The following VMP1 variants were observed in gnomAD, a reference collection of about 807,000 sequenced individuals.
VMP1 encodes the protein vacuole membrane protein 1.
In VMP1, 11 loss-of-function variants were observed where a neutral mutation model predicts 56.0. That is an observed-to-expected ratio of 0.20 (90% CI 0.12 to 0.32). VMP1 has a LOEUF of 0.32. Among genes scored for constraint, VMP1 ranks in the 10% least tolerant of loss-of-function variants. The pLI is 1.00. For missense variants in VMP1, 296 were observed against 490.3 expected, an observed-to-expected ratio of 0.60 and a Z score of 3.74; for synonymous variants, 149 against 165.0, an observed-to-expected ratio of 0.90 and a Z score of 0.74.
chr17:59,734,952 T>A (rs903709575), intron 2 of VMP1, among the ~76,000 whole-genome samples: 2 of 147,682 alleles, frequency 1.4e-5, no homozygotes, highest in Admixed American at 1.4e-4. Context: ...CATTCTGTTA[T>A]CCAGGCTGGT....
intron 1 of VMP1, among the ~76,000 whole-genome samples, chr17:59,713,719 A>T (rs2034030150): frequency 7.5e-6 from 1 of 133,534 alleles, no homozygotes. Context: ...AAAAAGAGAG[A>T]CTTTTTTTTT....
chr17:59,821,115 C>T (rs770461279), intron 10 of VMP1, among the ~76,000 whole-genome samples: 7 of 151,636 alleles, frequency 4.6e-5, no homozygotes, highest in African/African-American at 1.7e-4. Context: ...GGACTACAGG[C>T]GCCCGCCTCC....
rs138230604 is a variant in VMP1 at position 59,841,604 on chromosome 17, T to G, written c.*1693T>G. ...AACAATTCTTTTTTTCAGGGACTTTTCTAGCTGTATGACTGTTACTTGACC... is the reference window on the plus strand; with the variant it reads ...AACAATTCTTTTTTTCAGGGACTTTGCTAGCTGTATGACTGTTACTTGACC... On this transcript the variant is annotated 3_prime_UTR_variant, in exon 12 of 12. Transcript: ENST00000262291. The G allele has an allele frequency of 5.8e-6, 1 of 173,018 alleles. No individual in the cohort carries two copies. The highest frequency in any genetic ancestry group is 2.4e-5 in the African/African-American group (1 of 42,386). 10.7% of individuals were successfully genotyped at this position (173,018 alleles called of 1,614,324 possible). A position where few individuals can be genotyped will look rare whatever the true frequency, so the allele number is the denominator to read the frequency against.
chr17:59,765,188 T>C (rs549551766), intron 6 of VMP1, 50 bp downstream of exon 6: 5 of 1,582,304 alleles, frequency 3.2e-6, no homozygotes, highest in South Asian at 1.1e-5. Flanking sequence ...ACCATCTTGA[T>C]AGTGTGTGTA....
chr17:59,780,266 C>T (rs989593059), intron 7 of VMP1, among the ~76,000 whole-genome samples: 4 of 152,180 alleles, frequency 2.6e-5, no homozygotes, highest in Non-Finnish European at 5.9e-5. Flanking sequence ...GCAAAATGTA[C>T]ACACATACTG....
chr17:59,808,980 A>G (rs1266886510), intron 8 of VMP1, 104 bp downstream of exon 8: 4 of 886,744 alleles, frequency 4.5e-6, no homozygotes, highest in Non-Finnish European at 6.7e-6. Context: ...TTTATTGGGT[A>G]TGTAATTTTG....
intron 5 of VMP1, among the ~76,000 whole-genome samples, chr17:59,757,860 T>C (rs200246494): frequency 0.11 from 1,685 of 15,600 alleles, 29 homozygotes; most frequent in South Asian, 0.27. Flanking sequence ...TATTTGCCAC[T>C]TTTTTTTTTT....
chr17:59,782,704 G>A (rs148284016), intron 7 of VMP1, among the ~76,000 whole-genome samples: 11 of 152,224 alleles, frequency 7.2e-5, no homozygotes, highest in Admixed American at 2.6e-4. Context: ...AAATCAATCC[G>A]TAACTATGAG....
intron 3 of VMP1, 71 bp from the exon 4 acceptor site, chr17:59,737,382 A>G: frequency 6.7e-7 from 1 of 1,489,780 alleles, no homozygotes; most frequent in Non-Finnish European, 9.1e-7. Context: ...TTTCAGCAAG[A>G]AATTGTTCTG....
At chr17:59,788,594 G>A (rs1347079893) in intron 7 of VMP1, among the ~76,000 whole-genome samples, 2 of 151,442 alleles carry the variant, frequency 1.3e-5, no homozygotes, top group African/African-American at 4.9e-5. Context: ...ACCTGAGGTC[G>A]GAAGTTCCAG....
chr17:59,770,011 A>G (rs191248716), intron 6 of VMP1, among the ~76,000 whole-genome samples: 17 of 152,294 alleles, frequency 1.1e-4, no homozygotes, highest in Admixed American at 8.5e-4. Flanking sequence ...TTATTTGCAT[A>G]ATAAGAGAGT....
intron 3 of VMP1, among the ~76,000 whole-genome samples, chr17:59,736,865 A>G (rs2035037487): frequency 6.7e-6 from 1 of 150,150 alleles, no homozygotes; most frequent in Non-Finnish European, 1.5e-5. Flanking sequence ...ACATAGTGAA[A>G]CCCCGTCTCT....
chr17:59,797,340 C>CA (rs769486306), intron 7 of VMP1, among the ~76,000 whole-genome samples: 711 of 64,812 alleles, frequency 0.011, 4 homozygotes, highest in South Asian at 0.035. Context: ...GACTCTGTCT[C>CA]AAAAAAAAAA....
intron 5 of VMP1, among the ~76,000 whole-genome samples, chr17:59,754,356 G>A (rs1345305821): frequency 2.0e-5 from 3 of 151,952 alleles, no homozygotes; most frequent in African/African-American, 7.3e-5. Context: ...TTTGACTCTT[G>A]GCTATTGCTA....
chr17:59,785,614 C>T (rs1242446258), intron 7 of VMP1, among the ~76,000 whole-genome samples: 5 of 149,566 alleles, frequency 3.3e-5, no homozygotes, highest in African/African-American at 9.9e-5. Context: ...CGCTTGAACC[C>T]GAGAGGCAGA....
At chr17:59,838,508 T>C (rs2039057292) in intron 11 of VMP1, 111 bp downstream of exon 11, 1 of 1,093,760 alleles carries the variant, frequency 9.1e-7, no homozygotes, top group Admixed American at 2.0e-5. Context: ...TTTGCCAGTG[T>C]TCCTTGACAG....
At chr17:59,724,509 C>T (rs1463897611) in intron 1 of VMP1, among the ~76,000 whole-genome samples, 1 of 151,932 alleles carries the variant, frequency 6.6e-6, no homozygotes, top group East Asian at 1.9e-4. Context: ...GGCGAAACCC[C>T]ATCTCTATAA....
At chr17:59,732,830 T>C (rs962993208) in intron 2 of VMP1, among the ~76,000 whole-genome samples, 7 of 152,208 alleles carry the variant, frequency 4.6e-5, no homozygotes, top group African/African-American at 1.7e-4. Context: ...CTGTACCAGG[T>C]GTTTTTTAAT....
intron 6 of VMP1, among the ~76,000 whole-genome samples, chr17:59,766,970 C>A (rs367575155): frequency 9.2e-5 from 14 of 152,084 alleles, no homozygotes; most frequent in Admixed American, 6.6e-4. Flanking sequence ...TTAGTAGAGA[C>A]GGGATTTCTC....
Sources: allele counts gnomAD v4.1 joint callset (sites outside exome capture counted in the v4.1 genomes callset), GRCh38; gene constraint gnomAD v4.1.1; transcripts MANE v1.5; gene names NCBI Gene and HGNC (gene_info 2026-07-23, HGNC 2026-07-21).